DCAF4: variants seen among roughly 807,000 people sequenced by gnomAD.
The protein encoded by DCAF4 is DDB1 and CUL4 associated factor 4.
DCAF4 carries 37 observed loss-of-function variants against 60.9 expected under a neutral mutation model. That is an observed-to-expected ratio of 0.61 (90% CI 0.47 to 0.80). The LOEUF is 0.80. Ranked by LOEUF, DCAF4 falls within the 30% of genes least tolerant of loss-of-function variation. The pLI, the probability that DCAF4 is intolerant of heterozygous loss-of-function variation, is 0.00. For synonymous variants in DCAF4, 243 were observed against 254.8 expected, an observed-to-expected ratio of 0.95 and a Z score of 0.44; for missense variants, 577 against 650.0, an observed-to-expected ratio of 0.89 and a Z score of 1.22.
intron 1 of DCAF4, among the ~76,000 whole-genome samples, chr14:72,927,725 C>T (rs1887813209): frequency 6.6e-6 from 1 of 152,158 alleles, no homozygotes; most frequent in African/African-American, 2.4e-5. Flanking sequence ...CACCATTTAA[C>T]TTACGCTGGG....
intron 8 of DCAF4, among the ~76,000 whole-genome samples, chr14:72,947,509 G>A (rs901025505): frequency 1.3e-5 from 2 of 152,230 alleles, no homozygotes; most frequent in Non-Finnish European, 2.9e-5. Flanking sequence ...TGACTCCAAG[G>A]CCGGCTCACT....
At chr14:72,953,778 TTATTTGTGTG>T (rs1241698852) in intron 9 of DCAF4, among the ~76,000 whole-genome samples, 687 of 32,376 alleles carry the variant, frequency 0.021, 95 homozygotes, top group Non-Finnish European at 0.031. Flanking sequence ...ATTTATTTAT[TTATTTGTGTG>T]TGTGTGTGTG....
At position 72,958,782 on chromosome 14, in the gene DCAF4, C is replaced by T; in HGVS notation, c.1465C>T (p.Leu489Phe). 3 of 1,584,088 alleles carry T rather than the reference C, an allele frequency of 1.9e-6. No individual in the cohort carries two copies. Among genetic ancestry groups the T allele is most frequent in the Non-Finnish European group, 2.6e-6 (3 of 1,166,330 alleles). ...GCTGCTCATGGCTGTCGGGCAGGAC[C>T]TTTACTGTTACTCCTACAGCTAATT... ...PGLLMAVGQD[L>F]YCYSYS is the part of the protein sequence containing the mutation. The change falls in exon 14 of 14, where the codon CTT becomes TTT. Residue 489 changes from leucine (L) to phenylalanine (F), a missense_variant. By Grantham distance (22) the Leu-to-Phe change is conservative (BLOSUM62 0). Coordinates refer to ENST00000358377, the MANE Select transcript of DCAF4 (RefSeq NM_015604.4).
At chr14:72,940,404 G>A (rs1375474049) in intron 4 of DCAF4, 27 bp downstream of exon 4, 1 of 1,587,942 alleles carries the variant, frequency 6.3e-7, no homozygotes, top group Non-Finnish European at 8.5e-7. Context: ...TTCGCCCCCT[G>A]TCCTCTCCGC....
At chr14:72,948,784 G>A (rs1891060312) in intron 8 of DCAF4, among the ~76,000 whole-genome samples, 1 of 152,142 alleles carries the variant, frequency 6.6e-6, no homozygotes, top group Non-Finnish European at 1.5e-5. Flanking sequence ...TTTCCCTTTA[G>A]AAAAATGGTA....
chr14:72,951,842 T>G lies in DCAF4; in HGVS notation c.773T>G (p.Leu258Arg). The G allele has an allele frequency of 1.9e-6, 3 of 1,614,188 alleles. No homozygotes were observed. Among genetic ancestry groups the G allele is most frequent in the Non-Finnish European group, 2.5e-6 (3 of 1,180,032 alleles). ...GLAETPGCAT[L>R]LPASLFVNSH... ...GCAGAGACTCCAGGCTGTGCCACCCTGCTCCCAGCATCACTGTTCGTCAAT... is the reference window on the plus strand; with the variant it reads ...GCAGAGACTCCAGGCTGTGCCACCCGGCTCCCAGCATCACTGTTCGTCAAT... The change falls in exon 9 of 14, where the codon CTG (leucine) becomes CGG (arginine). Residue 258 changes from leucine (L) to arginine (R), a missense_variant. Coordinates refer to ENST00000358377, the MANE Select transcript of DCAF4 (RefSeq NM_015604.4).
At chr14:72,933,754 C>T (rs1888889197) in intron 1 of DCAF4, among the ~76,000 whole-genome samples, 1 of 152,144 alleles carries the variant, frequency 6.6e-6, no homozygotes, top group South Asian at 2.1e-4. Flanking sequence ...GACTTACTCT[C>T]CTCTCCCCAA....
At chr14:72,936,531 T>G (rs1351027708) in intron 1 of DCAF4, among the ~76,000 whole-genome samples, 1 of 142,734 alleles carries the variant, frequency 7.0e-6, no homozygotes, top group Non-Finnish European at 1.5e-5. Flanking sequence ...GCCACTGCAC[T>G]CCAGCCTGGG....
chr14:72,948,023 C>A lies in DCAF4; in HGVS notation c.728+832C>A, dbSNP rs1456788636. 2.6e-5 allele frequency among the ~76,000 whole-genome samples: 4 copies of A among 152,302 alleles called. No homozygotes were observed. In the East Asian group the frequency reaches 7.7e-4, roughly 29 times the overall value. On this transcript the variant is annotated intron_variant, in intron 8 of 13. Coordinates refer to ENST00000358377, the MANE Select transcript of DCAF4 (RefSeq NM_015604.4). ...AACAATGTGACTACTCATTGTACCT[C>A]ACACCTACTTCCTGAGTTGTGGTGA...
chr14:72,948,187 G>T (rs2806041), intron 8 of DCAF4, among the ~76,000 whole-genome samples: 44,063 of 151,756 alleles, frequency 0.29, 6,670 homozygotes, highest in Non-Finnish European at 0.32. Context: ...GAGTTTTTTT[G>T]GATTTTAATT....
intron 8 of DCAF4, 119 bp downstream of exon 8, chr14:72,947,310 T>C: frequency 8.6e-7 from 1 of 1,158,978 alleles, no homozygotes; most frequent in Non-Finnish European, 1.3e-6. Flanking sequence ...CCTTGTGCAC[T>C]TACATCTCAC....
chr14:72,931,971 G>A (rs1431552521), intron 1 of DCAF4, among the ~76,000 whole-genome samples: 2 of 148,696 alleles, frequency 1.3e-5, no homozygotes, highest in Non-Finnish European at 3.0e-5. Context: ...AACCCATACT[G>A]ACCTATATTT....
chr14:72,936,364 G>A (rs756718673), intron 1 of DCAF4, among the ~76,000 whole-genome samples: 2 of 152,146 alleles, frequency 1.3e-5, no homozygotes, highest in Non-Finnish European at 2.9e-5. Flanking sequence ...AGGAGTTCTT[G>A]AGCAGCCTGG....
intron 1 of DCAF4, among the ~76,000 whole-genome samples, chr14:72,935,551 G>A (rs752197789): frequency 6.6e-6 from 1 of 152,186 alleles, no homozygotes. Context: ...CACCACATCC[G>A]GCCTTTAAAA....
At chr14:72,929,607 G>T in intron 1 of DCAF4, 1 of 1,071,430 alleles carries the variant, frequency 9.3e-7, no homozygotes, top group South Asian at 1.3e-5. Flanking sequence ...GGCAGGGGAG[G>T]GGGCTCAGTC....
downstream of DCAF4, chr14:72,962,036 C>T: frequency 9.3e-7 from 1 of 1,075,884 alleles, no homozygotes. Context: ...ACCTGAATTT[C>T]TAAGACAGAT....
At chr14:72,940,720 A>G (rs959378725) in intron 4 of DCAF4, among the ~76,000 whole-genome samples, 2 of 150,328 alleles carry the variant, frequency 1.3e-5, no homozygotes, top group African/African-American at 4.9e-5. Flanking sequence ...CCTCCTGAGT[A>G]GCTGGGACTA....
At chr14:72,942,538 C>G (rs1890183207) in intron 5 of DCAF4, 1 of 158,922 alleles carries the variant, frequency 6.3e-6, no homozygotes, top group African/African-American at 2.4e-5. Flanking sequence ...TCCTGTTTTC[C>G]TCCTTCTGAG....
chr14:72,960,868 CA>C (rs1394406389), downstream of DCAF4: 1 of 160,882 alleles, frequency 6.2e-6, no homozygotes, highest in Non-Finnish European at 1.3e-5. Flanking sequence ...TACTGTATGT[CA>C]GGCCCCCCCC....
Sources: gnomAD v4.1 joint callset for allele counts (sites outside exome capture counted in the v4.1 genomes callset) on GRCh38, gnomAD v4.1.1 for gene constraint, MANE v1.5 for transcripts, NCBI Gene and HGNC (gene_info 2026-07-23, HGNC 2026-07-21) for gene names.